Variants in PHLDB2 observed in about 807,000 individuals in gnomAD.
PHLDB2 encodes pleckstrin homology like domain family B member 2.
Under a neutral mutation model 123.6 loss-of-function variants are expected in PHLDB2, and 71 were observed. That is an observed-to-expected ratio of 0.57 (90% CI 0.47 to 0.70). The LOEUF (loss-of-function observed/expected upper bound fraction) is 0.70. Ranked by LOEUF, PHLDB2 falls within the 30% of genes least tolerant of loss-of-function variation. PHLDB2 has a pLI of 0.00. For missense variants in PHLDB2, 1,446 were observed against 1,519.5 expected, an observed-to-expected ratio of 0.95 and a Z score of 0.80; for synonymous variants, 547 against 541.6, an observed-to-expected ratio of 1.01 and a Z score of -0.14.
intron 10 of PHLDB2, chr3:111,949,744 C>G (rs1222478829): frequency 1.5e-5 from 15 of 985,744 alleles, no homozygotes; most frequent in East Asian, 2.3e-4. Flanking sequence ...TCCTTCCGCT[C>G]TTTCTCCTCA....
chr3:111,835,915 C>G (rs1419966503), intron 1 of PHLDB2, among the ~76,000 whole-genome samples: 1 of 152,190 alleles, frequency 6.6e-6, no homozygotes, highest in African/African-American at 2.4e-5. Context: ...AAGCACATAG[C>G]ATAGCATCAC....
At chr3:111,933,200 G>C (rs1559910087) in intron 6 of PHLDB2, among the ~76,000 whole-genome samples, 2 of 152,160 alleles carry the variant, frequency 1.3e-5, no homozygotes, top group Non-Finnish European at 2.9e-5. Context: ...GCTTCCTTCT[G>C]GGGAAGCAGT....
At chr3:111,934,999 A>G (rs936754975) in intron 6 of PHLDB2, among the ~76,000 whole-genome samples, 1 of 152,108 alleles carries the variant, frequency 6.6e-6, no homozygotes, top group Non-Finnish European at 1.5e-5. Context: ...ATTTGAGTAA[A>G]TAATCAAAAG....
chr3:111,827,625 G>C (rs1576765091), intron 1 of PHLDB2, among the ~76,000 whole-genome samples: 3 of 141,058 alleles, frequency 2.1e-5, no homozygotes, highest in Admixed American at 1.5e-4. Context: ...AGTGAGCCGA[G>C]ATTGGAGATT....
Position 111,807,950 on chromosome 3 carries a change from T to TTTG in PHLDB2, c.-48-37869_-48-37868insGTT, listed in dbSNP as rs1376888529. ...CATTTTATAAATAAGCTGGGTGTTTTTTTTTTTTTTTTTTGCCTAATTTTA... is the reference window on the plus strand; with the variant it reads ...CATTTTATAAATAAGCTGGGTGTTTTTTGTTTTTTTTTTTTTTGCCTAATTTTA... On this transcript the variant is annotated intron_variant, in intron 1 of 17. Transcript: ENST00000393923. Among the ~76,000 whole-genome samples the TTTG allele has an allele frequency of 4.5e-4, 40 of 88,638 alleles. 1 individual carries two copies. The highest frequency in any genetic ancestry group is 0.01 in the Middle Eastern group (1 of 98). 58.1% of individuals were successfully genotyped at this position (88,638 alleles called of 152,430 possible). A position where few individuals can be genotyped will look rare whatever the true frequency, so the allele number is the denominator to read the frequency against.
chr3:111,829,405 T>TAG (rs1270411986), intron 1 of PHLDB2, among the ~76,000 whole-genome samples: 1 of 136,452 alleles, frequency 7.3e-6, no homozygotes, highest in East Asian at 2.1e-4. Flanking sequence ...TTCTTTTGTT[T>TAG]AAAAAAAAAA....
At chr3:111,797,381 G>A (rs1169160379) in intron 1 of PHLDB2, among the ~76,000 whole-genome samples, 1 of 152,164 alleles carries the variant, frequency 6.6e-6, no homozygotes, top group Non-Finnish European at 1.5e-5. Flanking sequence ...ACAGAGAGTA[G>A]TTATTGTGGG....
chr3:111,801,182 C>A (rs2061365145), intron 1 of PHLDB2, among the ~76,000 whole-genome samples: 1 of 152,116 alleles, frequency 6.6e-6, no homozygotes, highest in South Asian at 2.1e-4. Flanking sequence ...AAATGAAATA[C>A]AAGGCCCCTT....
chr3:111,835,238 C>T (rs535367207), intron 1 of PHLDB2, among the ~76,000 whole-genome samples: 2 of 152,214 alleles, frequency 1.3e-5, no homozygotes, highest in South Asian at 4.1e-4. Context: ...TGCTTCCCAT[C>T]ACACAGCTGT....
chr3:111,820,683 T>C (rs1003705211), intron 1 of PHLDB2, among the ~76,000 whole-genome samples: 2 of 152,190 alleles, frequency 1.3e-5, no homozygotes, highest in Non-Finnish European at 2.9e-5. Flanking sequence ...ACAAGGAAGT[T>C]GGGCATGGAA....
chr3:111,913,211 T>C, intron 2 of PHLDB2, 108 bp from the exon 3 acceptor site: 1 of 1,215,770 alleles, frequency 8.2e-7, no homozygotes, highest in Non-Finnish European at 1.1e-6. Context: ...TTTGTGGGTT[T>C]ATGTATGGAA....
intron 1 of PHLDB2, among the ~76,000 whole-genome samples, chr3:111,792,181 T>A (rs910340800): frequency 1.3e-5 from 2 of 152,244 alleles, no homozygotes; most frequent in African/African-American, 4.8e-5. Context: ...CAGTATTTCT[T>A]GTAAGACCAG....
intron 15 of PHLDB2, 51 bp from the exon 16 acceptor site, chr3:111,969,639 A>G (rs1190461499): frequency 1.3e-6 from 2 of 1,499,326 alleles, no homozygotes; most frequent in African/African-American, 1.4e-5. Flanking sequence ...CTGTGACCTA[A>G]AACAAAACAA....
At chr3:111,972,905 T>C (rs958417620) in intron 16 of PHLDB2, among the ~76,000 whole-genome samples, 6 of 152,212 alleles carry the variant, frequency 3.9e-5, no homozygotes, top group Non-Finnish European at 8.8e-5. Context: ...GTGTTTTTAA[T>C]TGTGTTTGTT....
rs537146591 is a variant in PHLDB2 at position 111,953,884 on chromosome 3, A to G, written c.2773-46A>G. The G allele has an allele frequency of 4.1e-4, 617 of 1,491,852 alleles. 7 individuals are homozygous for G. In the South Asian group the frequency reaches 5.6e-3, roughly 14 times the overall value. The allele number at this position is 1,491,852 out of a possible 1,614,324, so 92.4% of individuals were successfully genotyped here. A position where few individuals can be genotyped will look rare whatever the true frequency, so the allele number is the denominator to read the frequency against. ...GGATGTGGCCATTTCCTAAAGGTCC[A>G]TTCAGCCTGCAGCTTGCCTGAAGTA... On this transcript the variant is annotated intron_variant, in intron 11 of 17. Coordinates refer to ENST00000431670, the MANE Select transcript of PHLDB2 (RefSeq NM_001134438.2).
intron 2 of PHLDB2, among the ~76,000 whole-genome samples, chr3:111,848,088 T>C (rs1317228322): frequency 6.6e-6 from 1 of 152,130 alleles, no homozygotes; most frequent in African/African-American, 2.4e-5. Flanking sequence ...TATGCGACCC[T>C]CACCTTCCCC....
intron 1 of PHLDB2, among the ~76,000 whole-genome samples, chr3:111,789,302 G>T (rs2060816039): frequency 6.6e-6 from 1 of 152,164 alleles, no homozygotes; most frequent in South Asian, 2.1e-4. Flanking sequence ...TTCTGAGAAG[G>T]TGTAATAATA....
At chr3:111,829,241 G>A (rs1258761802) in intron 1 of PHLDB2, among the ~76,000 whole-genome samples, 2 of 151,944 alleles carry the variant, frequency 1.3e-5, no homozygotes, top group African/African-American at 2.4e-5. Context: ...AATTACTAAA[G>A]AGAAGAACTG....
At position 111,780,399 on chromosome 3, in the gene PHLDB2, A is replaced by AGAAGAAGAAGAAGGAG. The variant is rs1553726797; in HGVS notation, c.-49+47708_-49+47709insGGAGGAAGAAGAAGAA. 4.8e-4 allele frequency among the ~76,000 whole-genome samples: 36 copies of AGAAGAAGAAGAAGGAG among 74,448 alleles called. 4 individuals are homozygous for AGAAGAAGAAGAAGGAG. Among genetic ancestry groups the AGAAGAAGAAGAAGGAG allele is most frequent in the Admixed American group, 8.6e-4 (6 of 6,992 alleles). The allele number at this position is 74,448 out of a possible 152,430, so 48.8% of individuals were successfully genotyped here. On this transcript the variant is annotated intron_variant, in intron 1 of 17. Transcript: ENST00000393923. Reference sequence around the variant, plus strand: ...AAGAAGAAGAAGAAGAAGAAGAAGAAGAAGAAGAAGAAAAAGATTAGTTCG... The same window carrying AGAAGAAGAAGAAGGAG: ...AAGAAGAAGAAGAAGAAGAAGAAGAAGAAGAAGAAGAAGGAGGAAGAAGAAGAAAAAGATTAGTTCG...
Sources: gnomAD v4.1 joint callset for allele counts (sites outside exome capture counted in the v4.1 genomes callset) on GRCh38, gnomAD v4.1.1 for gene constraint, MANE v1.5 for transcripts, NCBI Gene and HGNC (gene_info 2026-07-23, HGNC 2026-07-21) for gene names.